PRR16: variants seen among roughly 807,000 people sequenced by gnomAD.
PRR16 encodes the protein protein Largen.
PRR16 carries 6 observed loss-of-function variants against 18.2 expected under a neutral mutation model. The ratio of observed to expected loss-of-function variants is 0.33; its 90% CI spans 0.18 to 0.65. The LOEUF is 0.65. PRR16 is among the 30% of genes least tolerant of loss of function. The probability of loss-of-function intolerance (pLI) is 0.74; values close to 1 mark genes in which losing one functional copy is unlikely to be tolerated. For missense variants in PRR16, 412 were observed against 376.6 expected, an observed-to-expected ratio of 1.09 and a Z score of -0.78; for synonymous variants, 151 against 147.8, an observed-to-expected ratio of 1.02 and a Z score of -0.16.
At chr5:120,676,520 A>ATGTGTGTGTGTG (rs200837100) in intron 1 of PRR16, among the ~76,000 whole-genome samples, 1 of 123,582 alleles carries the variant, frequency 8.1e-6, no homozygotes, top group Non-Finnish European at 1.7e-5. Context: ...ATATATATAT[A>ATGTGTGTGTGTG]TATGTGTGTG....
At chr5:120,759,805 G>A in the PRR16 span, among the ~76,000 whole-genome samples, 1 of 152,114 alleles carries the variant, frequency 6.6e-6, no homozygotes, top group South Asian at 2.1e-4. Flanking sequence ...ATTTTGGATA[G>A]GATTTAGAGT....
At chr5:120,505,854 G>GTATA (rs1187529811) in intron 1 of PRR16, among the ~76,000 whole-genome samples, 2 of 150,708 alleles carry the variant, frequency 1.3e-5, no homozygotes, top group African/African-American at 4.9e-5. Context: ...ATATATGTAT[G>GTATA]TATATACACA....
the PRR16 span, among the ~76,000 whole-genome samples, chr5:120,741,918 A>T: frequency 6.6e-6 from 1 of 152,018 alleles, no homozygotes; most frequent in Admixed American, 6.6e-5. Flanking sequence ...GTTTTTATAG[A>T]TACTATAAGA....
At chr5:120,468,359 A>C (rs1184606117) in intron 1 of PRR16, among the ~76,000 whole-genome samples, 4 of 152,182 alleles carry the variant, frequency 2.6e-5, no homozygotes, top group African/African-American at 4.8e-5. Context: ...AAAAAGGAAG[A>C]TTTTGAATTC....
At chr5:120,617,628 TAA>T (rs1754558695) in intron 1 of PRR16, among the ~76,000 whole-genome samples, 1 of 152,204 alleles carries the variant, frequency 6.6e-6, no homozygotes, top group Admixed American at 6.6e-5. Flanking sequence ...TACATTTTGA[TAA>T]GTTATCTTTA....
the PRR16 span, among the ~76,000 whole-genome samples, chr5:120,788,117 G>A: frequency 1.3e-5 from 2 of 151,742 alleles, no homozygotes; most frequent in Admixed American, 6.6e-5. Flanking sequence ...CACTACCGCC[G>A]TGTTCATTTT....
the PRR16 span, among the ~76,000 whole-genome samples, chr5:120,734,466 G>T: frequency 6.6e-6 from 1 of 152,120 alleles, no homozygotes; most frequent in Non-Finnish European, 1.5e-5. Flanking sequence ...CTAGAACTTA[G>T]TAAAAAAATG....
At chr5:120,721,979 C>T in the PRR16 span, among the ~76,000 whole-genome samples, 3 of 151,974 alleles carry the variant, frequency 2.0e-5, no homozygotes, top group Non-Finnish European at 4.4e-5. Flanking sequence ...ACCCATTAAG[C>T]TGTCATCTAC....
At chr5:120,563,996 T>C (rs1339830303) in intron 1 of PRR16, among the ~76,000 whole-genome samples, 1 of 152,122 alleles carries the variant, frequency 6.6e-6, no homozygotes, top group East Asian at 1.9e-4. Context: ...TCGTCTTCTC[T>C]TCAGGGCAGT....
At chr5:120,484,745 A>G (rs1749736836) in intron 1 of PRR16, among the ~76,000 whole-genome samples, 1 of 149,910 alleles carries the variant, frequency 6.7e-6, no homozygotes. Flanking sequence ...TTAAATTGCA[A>G]CACAATGTCA....
At chr5:120,741,762 G>A in the PRR16 span, among the ~76,000 whole-genome samples, 23 of 151,858 alleles carry the variant, frequency 1.5e-4, no homozygotes, top group Non-Finnish European at 2.9e-4. Flanking sequence ...CACCAAGCCC[G>A]ACTAATTTTT....
chr5:120,659,303 A>C (rs1383537063), intron 1 of PRR16, among the ~76,000 whole-genome samples: 2 of 151,928 alleles, frequency 1.3e-5, no homozygotes, highest in African/African-American at 2.4e-5. Flanking sequence ...AGATATCTGT[A>C]GTCTGTGTTT....
At chr5:120,612,913 G>T (rs1754381076) in intron 1 of PRR16, among the ~76,000 whole-genome samples, 2 of 152,072 alleles carry the variant, frequency 1.3e-5, no homozygotes, top group Non-Finnish European at 2.9e-5. Context: ...GCACTCAAAT[G>T]GGATGATCAT....
intron 1 of PRR16, among the ~76,000 whole-genome samples, chr5:120,510,049 T>C (rs531129738): frequency 4.6e-4 from 70 of 152,278 alleles, no homozygotes; most frequent in African/African-American, 1.7e-3. Flanking sequence ...CAAAAAGAGC[T>C]AGTTTATGAA....
At chr5:120,548,266 G>C (rs950387990) in intron 1 of PRR16, among the ~76,000 whole-genome samples, 1 of 152,022 alleles carries the variant, frequency 6.6e-6, no homozygotes, top group Non-Finnish European at 1.5e-5. Flanking sequence ...AGCAATGCTT[G>C]CTTACCTGAG....
chr5:120,518,167 C>T (rs183746612), intron 1 of PRR16, among the ~76,000 whole-genome samples: 5 of 152,162 alleles, frequency 3.3e-5, no homozygotes, highest in South Asian at 4.2e-4. Flanking sequence ...ACATATCGCT[C>T]ATAGGCAGCT....
the PRR16 span, among the ~76,000 whole-genome samples, chr5:120,751,750 A>AT: frequency 0.23 from 34,624 of 152,004 alleles, 4,606 homozygotes; most frequent in Non-Finnish European, 0.29. Context: ...TGAACCAATC[A>AT]TATGGAAATA....
chr5:120,711,731 A>C, the PRR16 span, among the ~76,000 whole-genome samples: 1 of 152,324 alleles, frequency 6.6e-6, no homozygotes, highest in South Asian at 2.1e-4. Context: ...AGTGCATAAG[A>C]GATAGTCCAT....
intron 1 of PRR16, among the ~76,000 whole-genome samples, chr5:120,593,733 C>T (rs1260252624): frequency 6.6e-6 from 1 of 152,034 alleles, no homozygotes; most frequent in East Asian, 1.9e-4. Context: ...CCTTGATGAA[C>T]ATAGATGCAA....
Sources: allele counts gnomAD v4.1 joint callset (sites outside exome capture counted in the v4.1 genomes callset), GRCh38; gene constraint gnomAD v4.1.1; transcripts MANE v1.5; gene names NCBI Gene and HGNC (gene_info 2026-07-23, HGNC 2026-07-21).